FGF13: variants seen among roughly 807,000 people sequenced by gnomAD.
FGF13 encodes fibroblast growth factor 13.
FGF13 carries 2 observed loss-of-function variants against 19.5 expected under a neutral mutation model. The ratio of observed to expected loss-of-function variants is 0.10; its 90% CI spans 0.04 to 0.32. The LOEUF (loss-of-function observed/expected upper bound fraction) is 0.32. Ranked by LOEUF, FGF13 falls within the 10% of genes least tolerant of loss-of-function variation. FGF13 has a pLI of 1.00. For missense variants in FGF13, 113 were observed against 192.7 expected (o/e 0.59, Z 2.45); for synonymous variants, 72 against 76.9 (o/e 0.94, Z 0.33).
intron 1 of FGF13, among the ~76,000 whole-genome samples, chrX:139,176,771 G>C (rs1430442219): frequency 8.9e-6 from 1 of 112,042 alleles, no homozygotes; most frequent in Non-Finnish European, 1.9e-5. Flanking sequence ...TGTGGTCTGA[G>C]AGACTGTTTG....
intron 3 of FGF13, among the ~76,000 whole-genome samples, chrX:138,776,389 A>C (rs2090588041): frequency 8.9e-6 from 1 of 112,289 alleles, no homozygotes; most frequent in Non-Finnish European, 1.9e-5. Flanking sequence ...CCTACATAAC[A>C]AACACTTATA....
chrX:138,897,435 T>C (rs2091510172), intron 1 of FGF13, among the ~76,000 whole-genome samples: 1 of 111,674 alleles, frequency 9.0e-6, no homozygotes, highest in Non-Finnish European at 1.9e-5. Context: ...AGTCTTGGAA[T>C]GGTTCACATT....
intron 3 of FGF13, among the ~76,000 whole-genome samples, chrX:138,840,608 T>C (rs1200638221): frequency 1.8e-5 from 2 of 111,698 alleles, no homozygotes; most frequent in African/African-American, 3.3e-5. Flanking sequence ...TCCCCATACC[T>C]GACTCTCATT....
intron 1 of FGF13, among the ~76,000 whole-genome samples, chrX:138,904,493 A>G (rs2091547540): frequency 1.8e-5 from 2 of 111,895 alleles, no homozygotes; most frequent in Non-Finnish European, 3.8e-5. Flanking sequence ...CAGATAAAAT[A>G]TAGGGCCTTC....
intron 3 of FGF13, among the ~76,000 whole-genome samples, chrX:138,694,923 A>G (rs1478921543): frequency 9.2e-6 from 1 of 108,517 alleles, no homozygotes; most frequent in East Asian, 2.9e-4. Context: ...AAAAACTGGG[A>G]TCTTAGGAGT....
At chrX:138,952,715 A>T (rs1268223611) in intron 1 of FGF13, among the ~76,000 whole-genome samples, 3 of 111,983 alleles carry the variant, frequency 2.7e-5, no homozygotes, top group Non-Finnish European at 5.6e-5. Flanking sequence ...TACATTGAAC[A>T]TAAACAAATT....
At chrX:138,858,489 T>C (rs1325824166) in intron 2 of FGF13, among the ~76,000 whole-genome samples, 3 of 112,117 alleles carry the variant, frequency 2.7e-5, no homozygotes, top group African/African-American at 3.2e-5. Context: ...CTACATTCTC[T>C]ATTCTGAAAA....
chrX:138,777,252 G>C (rs2090594803), intron 3 of FGF13, among the ~76,000 whole-genome samples: 1 of 111,526 alleles, frequency 9.0e-6, no homozygotes, highest in African/African-American at 3.3e-5. Context: ...CTCCTTCCCT[G>C]ACAGCCCAGG....
intron 1 of FGF13, among the ~76,000 whole-genome samples, chrX:139,138,407 C>A (rs1421086052): frequency 3.6e-5 from 4 of 111,859 alleles, no homozygotes; most frequent in Non-Finnish European, 7.5e-5. Context: ...CTGCCCCTCT[C>A]TCCCAAGTCA....
At chrX:138,854,711 T>A (rs978944715), downstream of FGF13, among the ~76,000 whole-genome samples, 5 of 112,012 alleles carry the variant, frequency 4.5e-5, no homozygotes, top group African/African-American at 1.3e-4. Context: ...GGCTTAAAAA[T>A]TTTTTTTTAA....
At chrX:138,881,728 T>C (rs2091426116) in intron 1 of FGF13, among the ~76,000 whole-genome samples, 1 of 112,043 alleles carries the variant, frequency 8.9e-6, no homozygotes, top group South Asian at 3.7e-4. Context: ...TATATTTATA[T>C]TTCTGTAAGG....
chrX:138,870,448 C>G (rs748566862), intron 1 of FGF13, among the ~76,000 whole-genome samples: 63 of 111,975 alleles, frequency 5.6e-4, no homozygotes, highest in African/African-American at 1.9e-3. Context: ...TGCATGCCTC[C>G]CAAACCTACA....
At position 138,628,065 on chromosome X, in the gene FGF13, G is replaced by A. The variant is rs1026874262; in HGVS notation, c.*4785C>T. ...AGGCCCAGAAAATGTGATGGTTCATGAAAGAGTAACTTCCAAAATTCCTCT... is the reference window on the plus strand; with the variant it reads ...AGGCCCAGAAAATGTGATGGTTCATAAAAGAGTAACTTCCAAAATTCCTCT... On this transcript the variant is annotated 3_prime_UTR_variant, in exon 5 of 5. Transcript: ENST00000315930. The A allele has an allele frequency of 3.6e-5, 4 of 111,747 alleles. No homozygotes were observed. Among genetic ancestry groups the A allele is most frequent in the Non-Finnish European group, 7.5e-5 (4 of 53,223 alleles). The allele number at this position is 111,747 out of a possible 1,213,427, so 9.2% of individuals were successfully genotyped here.
At chrX:138,883,179 C>T (rs2091436345) in intron 1 of FGF13, among the ~76,000 whole-genome samples, 1 of 112,110 alleles carries the variant, frequency 8.9e-6, no homozygotes, top group African/African-American at 3.2e-5. Context: ...TTTCCATGCA[C>T]CAAACAAATA....
Position 138,708,968 on chromosome X carries a change from T to C in FGF13, c.188-40A>G, listed in dbSNP as rs149086587. On this transcript the variant is annotated intron_variant, in intron 1 of 4. Transcript: ENST00000315930. Reference sequence around the variant, plus strand: ...ATGATTTGGATCAATTGATAAATTGTGCCTATGTAGTTGAAAAGACTAGGA... The same window carrying C: ...ATGATTTGGATCAATTGATAAATTGCGCCTATGTAGTTGAAAAGACTAGGA... 1,222 of 811,341 alleles carry C rather than the reference T, an allele frequency of 1.5e-3. 4 individuals carry two copies. In the African/African-American group the frequency reaches 0.019, roughly 13 times the overall value. The allele number at this position is 811,341 out of a possible 1,213,427, so 66.9% of individuals were successfully genotyped here.
At position 138,796,405 on chromosome X, in the gene FGF13, CTTTTT is replaced by C. The variant is rs747407786; in HGVS notation, c.217+61102_217+61106del. 1.5e-4 allele frequency among the ~76,000 whole-genome samples: 17 copies of C among 111,929 alleles called. No homozygotes were observed. The South Asian group carries it at 6.4e-3, about 42-fold the overall frequency. On this transcript the variant is annotated intron_variant, in intron 3 of 6. Transcript: ENST00000436198. The stretch of plus-strand genomic sequence containing the variant: ...TCCCTGCAAAGCACATGAACTCATT[CTTTTT>C]TTATGGCTTCATAGTATTCCATAGT...
chrX:139,154,683 G>A (rs192611759), intron 1 of FGF13, among the ~76,000 whole-genome samples: 27 of 111,825 alleles, frequency 2.4e-4, no homozygotes, highest in South Asian at 1.1e-3. Context: ...AAAATGATGC[G>A]GCAAGTGTAG....
intron 1 of FGF13, among the ~76,000 whole-genome samples, chrX:139,113,663 G>C (rs928012804): frequency 8.9e-6 from 1 of 112,045 alleles, no homozygotes; most frequent in Non-Finnish European, 1.9e-5. Flanking sequence ...TTACCCTTTA[G>C]TAAAAGTCCG....
At chrX:138,984,616 ATG>A (rs2091984275) in intron 1 of FGF13, among the ~76,000 whole-genome samples, 28 of 52,841 alleles carry the variant, frequency 5.3e-4, no homozygotes, top group East Asian at 1.4e-3. Flanking sequence ...GAGGAGGAGG[ATG>A]AGGAAGAGGA....
Sources: allele counts gnomAD v4.1 joint callset (sites outside exome capture counted in the v4.1 genomes callset), GRCh38; gene constraint gnomAD v4.1.1; transcripts MANE v1.5; gene names NCBI Gene and HGNC (gene_info 2026-07-23, HGNC 2026-07-21).